IQSEC2: variants seen among roughly 807,000 people sequenced by gnomAD.
IQSEC2 encodes IQ motif and Sec7 domain ArfGEF 2.
Under a neutral mutation model 74.6 loss-of-function variants are expected in IQSEC2, and 6 were observed. That is an observed-to-expected ratio of 0.08 (90% CI 0.04 to 0.16). The LOEUF is 0.16. Ranked by LOEUF, IQSEC2 falls within the 10% of genes least tolerant of loss-of-function variation. The pLI, the probability that IQSEC2 is intolerant of heterozygous loss-of-function variation, is 1.00. For missense variants in IQSEC2, 734 were observed against 1,306.2 expected (o/e 0.56, Z 6.75); for synonymous variants, 494 against 544.5 (o/e 0.91, Z 1.29).
At chrX:53,283,773 C>G (rs781859048) in intron 2 of IQSEC2, among the ~76,000 whole-genome samples, 107 of 112,041 alleles carry the variant, frequency 9.6e-4, no homozygotes, top group Admixed American at 2.9e-3. Context: ...CAGGCACTGT[C>G]CCCGGTGCTG....
chrX:53,235,497 G>GCTCT (rs2074112935), intron 14 of IQSEC2, among the ~76,000 whole-genome samples: 1 of 111,387 alleles, frequency 9.0e-6, no homozygotes, highest in Admixed American at 9.5e-5. Context: ...TCAAAGAGCA[G>GCTCT]GACTTGGAGG....
At chrX:53,292,722 C>A (rs1250110795) in intron 1 of IQSEC2, among the ~76,000 whole-genome samples, 1 of 111,761 alleles carries the variant, frequency 8.9e-6, no homozygotes, top group Non-Finnish European at 1.9e-5. Flanking sequence ...CTTCCTCTCC[C>A]ACCACGCCTT....
At chrX:53,320,025 T>C (rs1556879857) in intron 1 of IQSEC2, among the ~76,000 whole-genome samples, 1 of 109,164 alleles carries the variant, frequency 9.2e-6, no homozygotes, top group Non-Finnish European at 1.9e-5. Context: ...TGGGGGGCTT[T>C]CTCTCCCCTG....
chrX:53,305,367 C>T (rs947760828), intron 1 of IQSEC2, among the ~76,000 whole-genome samples: 2 of 110,828 alleles, frequency 1.8e-5, no homozygotes, highest in Admixed American at 1.9e-4. Flanking sequence ...GCATACACCA[C>T]CACGCCCAGC....
At chrX:53,302,389 G>A (rs2075219355) in intron 1 of IQSEC2, among the ~76,000 whole-genome samples, 1 of 112,635 alleles carries the variant, frequency 8.9e-6, no homozygotes, top group South Asian at 3.6e-4. Flanking sequence ...GTTTCCAAGT[G>A]CCTTGAACAG....
chrX:53,262,863 C>T (rs1301188828), intron 2 of IQSEC2, among the ~76,000 whole-genome samples: 3 of 112,776 alleles, frequency 2.7e-5, no homozygotes, highest in Non-Finnish European at 5.6e-5. Context: ...ATTGAGTTGT[C>T]ATTTTGCTAG....
At chrX:53,296,474 G>A (rs1168879305) in intron 1 of IQSEC2, among the ~76,000 whole-genome samples, 1 of 111,894 alleles carries the variant, frequency 8.9e-6, no homozygotes. Flanking sequence ...AACCGGCCCC[G>A]AATCAGCCTT....
intron 8 of IQSEC2, 101 bp downstream of exon 8, chrX:53,246,868 A>G (rs2074315822): frequency 1.3e-6 from 1 of 769,029 alleles, no homozygotes; most frequent in South Asian, 2.2e-5. Context: ...CAGCATCACA[A>G]ATTAATTTCC....
intron 1 of IQSEC2, among the ~76,000 whole-genome samples, chrX:53,304,692 C>A (rs1222343734): frequency 9.0e-6 from 1 of 111,612 alleles, no homozygotes; most frequent in Admixed American, 9.5e-5. Flanking sequence ...ACAGCGTGAA[C>A]CTCATTCTGT....
In IQSEC2 at chrX:53,254,542, G is replaced by A. The variant is rs1556864513; in HGVS notation, c.1389C>T (p.Ser463=). The change falls in exon 4 of 15, where the codon TCC becomes TCT. Residue 463 remains serine (S), a synonymous_variant. Coordinates refer to ENST00000642864, the MANE Select transcript of IQSEC2 (RefSeq NM_001111125.3). ...FSNDITELED[S]FSKQVKSLAE... ...CAGGGATCCTGACCTGTTTGGAGAA[G>A]GAGTCCTCAAGTTCTGTGATGTCAT... The A allele has an allele frequency of 8.4e-7, 1 of 1,196,602 alleles. No homozygotes were observed.
At chrX:53,243,986 G>A (rs1010469339) in intron 8 of IQSEC2, among the ~76,000 whole-genome samples, 1 of 111,502 alleles carries the variant, frequency 9.0e-6, no homozygotes, top group Admixed American at 9.5e-5. Flanking sequence ...TTGGGAGGCC[G>A]AGGCAGGTGG....
chrX:53,277,982 TTTTTC>T lies in IQSEC2; in HGVS notation c.737+13908_737+13912del, dbSNP rs1328890187. ...CACTGTGTCCAACCAATATTTTCTT[TTTTTC>T]TTTTCTTTTCTTTTTCTTTTTTTTT... On this transcript the variant is annotated intron_variant, in intron 2 of 14. Transcript: ENST00000642864. 4.7e-5 allele frequency among the ~76,000 whole-genome samples: 5 copies of T among 106,134 alleles called. No individual in the cohort carries two copies. The East Asian group carries it at 1.5e-3, about 31-fold the overall frequency. The allele number at this position is 106,134 out of a possible 115,157, so 92.2% of individuals were successfully genotyped here. A position where few individuals can be genotyped will look rare whatever the true frequency, so the allele number is the denominator to read the frequency against.
intron 2 of IQSEC2, chrX:53,281,613 G>A (rs2074965554): frequency 1.9e-6 from 2 of 1,031,509 alleles, no homozygotes; most frequent in East Asian, 7.2e-5. Flanking sequence ...TCCCTAGAAG[G>A]AGGAACCAAG....
intron 5 of IQSEC2, among the ~76,000 whole-genome samples, chrX:53,249,965 A>G (rs950617765): frequency 9.0e-6 from 1 of 111,393 alleles, no homozygotes; most frequent in Non-Finnish European, 1.9e-5. Flanking sequence ...GGCTCTTTCT[A>G]CACCATATCA....
chrX:53,254,444 C>A (rs2074435617), intron 4 of IQSEC2, 86 bp downstream of exon 4: 1 of 947,054 alleles, frequency 1.1e-6, no homozygotes, highest in African/African-American at 1.9e-5. Context: ...CACGCAACTT[C>A]TTTCAGTTTG....
chrX:53,258,112 A>G (rs1404001724), intron 2 of IQSEC2, among the ~76,000 whole-genome samples: 1 of 111,558 alleles, frequency 9.0e-6, no homozygotes. Context: ...CTTGAAATGC[A>G]ATCCCCATCG....
Position 53,311,079 on chromosome X carries a change from CA to C in IQSEC2, c.707+9337del, listed in dbSNP as rs201502440. On this transcript the variant is annotated intron_variant, in intron 1 of 14. Coordinates refer to ENST00000642864, the MANE Select transcript of IQSEC2 (RefSeq NM_001111125.3). ...AGGTTGCAGTGAGCCGAGATCGCGCCATTGCACTCCAGCCTGGGTGACAGAA... is the reference window on the plus strand; with the variant it reads ...AGGTTGCAGTGAGCCGAGATCGCGCCTTGCACTCCAGCCTGGGTGACAGAA... Among the ~76,000 whole-genome samples, 157 of 81,539 alleles carry C rather than the reference CA, an allele frequency of 1.9e-3. 5 individuals carry two copies. The East Asian group carries it at 0.038, about 20-fold the overall frequency. The allele number at this position is 81,539 out of a possible 115,157, so 70.8% of individuals were successfully genotyped here.
intron 12 of IQSEC2, 53 bp downstream of exon 12, chrX:53,238,092 C>T: frequency 8.8e-7 from 1 of 1,142,779 alleles, no homozygotes; most frequent in East Asian, 3.2e-5. Context: ...TTCTTGGTTT[C>T]TGCAGGGTAC....
rs782755650 is a variant in IQSEC2 at position 53,248,268 on chromosome X, C to T, written c.2460-32G>A. On this transcript the variant is annotated intron_variant, in intron 6 of 14. Transcript: ENST00000642864. ...AGCAAAGAAGGAGGTGTGGCGCTTT[C>T]AATTCCTCTGCAGAAAACCTCTGAC... 2.5e-6 allele frequency: 3 copies of T among 1,203,388 alleles called. No individual in the cohort carries two copies. The South Asian group carries it at 5.4e-5, about 22-fold the overall frequency.
Sources: gnomAD v4.1 joint callset for allele counts (sites outside exome capture counted in the v4.1 genomes callset) on GRCh38, gnomAD v4.1.1 for gene constraint, MANE v1.5 for transcripts, NCBI Gene and HGNC (gene_info 2026-07-23, HGNC 2026-07-21) for gene names.